Variants in PRDM5 observed in about 807,000 individuals in gnomAD.
The protein encoded by PRDM5 is PR/SET domain 5.
A neutral mutation model predicts 81.2 loss-of-function variants in PRDM5; 56 were observed. That is an observed-to-expected ratio of 0.69 (90% CI 0.56 to 0.86). The LOEUF is 0.86. Among genes scored for constraint, PRDM5 ranks in the 40% least tolerant of loss-of-function variants. PRDM5 has a pLI of 0.00. For missense variants in PRDM5, 697 were observed against 770.1 expected (o/e 0.91, Z 1.12); for synonymous variants, 267 against 256.4 (o/e 1.04, Z -0.39).
At chr4:120,773,902 ACTT>A (rs1298986713) in intron 13 of PRDM5, among the ~76,000 whole-genome samples, 1 of 152,178 alleles carries the variant, frequency 6.6e-6, no homozygotes, top group Non-Finnish European at 1.5e-5. Flanking sequence ...ATGTAAAACA[ACTT>A]CTCTTTTCAC....
intron 13 of PRDM5, among the ~76,000 whole-genome samples, chr4:120,767,592 A>G (rs1310068762): frequency 6.6e-6 from 1 of 152,244 alleles, no homozygotes; most frequent in South Asian, 2.1e-4. Flanking sequence ...TCAAAGGTCC[A>G]ACTGCCAATT....
chr4:120,709,122 A>AT (rs1736597415), intron 15 of PRDM5, among the ~76,000 whole-genome samples: 1 of 152,202 alleles, frequency 6.6e-6, no homozygotes, highest in Non-Finnish European at 1.5e-5. Flanking sequence ...AGCATTCAGC[A>AT]TAGATAAAAG....
intron 13 of PRDM5, among the ~76,000 whole-genome samples, chr4:120,761,073 T>G (rs533510072): frequency 6.6e-6 from 1 of 152,366 alleles, no homozygotes; most frequent in Admixed American, 6.5e-5. Context: ...TTGTAGCTCT[T>G]CATCTCTGAA....
chr4:120,870,465 G>A (rs992002176), intron 2 of PRDM5, among the ~76,000 whole-genome samples: 1 of 152,016 alleles, frequency 6.6e-6, no homozygotes, highest in Non-Finnish European at 1.5e-5. Context: ...GGAGGTGGGG[G>A]AACAGCCACC....
intron 14 of PRDM5, among the ~76,000 whole-genome samples, chr4:120,710,909 T>C (rs967680669): frequency 6.6e-6 from 1 of 152,052 alleles, no homozygotes; most frequent in African/African-American, 2.4e-5. Context: ...CTAATACAGG[T>C]GCTATGAGCA....
At chr4:120,697,340 G>A (rs1044680420) in intron 15 of PRDM5, among the ~76,000 whole-genome samples, 11 of 152,040 alleles carry the variant, frequency 7.2e-5, no homozygotes, top group African/African-American at 2.4e-4. Flanking sequence ...GAAGAACCAG[G>A]AGTATCACTT....
rs1754573173 is a variant in PRDM5, at chr4:120,816,774, G to A, written c.743+58C>T. ...GAATTACTAAGAAGCATGAAAGTAT[G>A]CATGCAAAAAATGACCCACAATTAT... is the stretch of plus-strand genomic sequence containing the variant. On this transcript the variant is annotated intron_variant, in intron 6 of 15. Transcript: ENST00000264808. The A allele has an allele frequency of 2.6e-6, 4 of 1,514,426 alleles. No homozygotes were observed. In the East Asian group the frequency reaches 9.0e-5, roughly 34 times the overall value. The allele number at this position is 1,514,426 out of a possible 1,614,324, so 93.8% of individuals were successfully genotyped here. A position where few individuals can be genotyped will look rare whatever the true frequency, so the allele number is the denominator to read the frequency against.
chr4:120,754,431 T>C, intron 14 of PRDM5, 122 bp downstream of exon 14: 1 of 629,908 alleles, frequency 1.6e-6, no homozygotes. Flanking sequence ...ATATCTGTCA[T>C]AAATATAGAT....
chr4:120,822,527 A>C (rs1332280509), intron 3 of PRDM5, among the ~76,000 whole-genome samples: 5 of 152,188 alleles, frequency 3.3e-5, no homozygotes, highest in African/African-American at 9.6e-5. Context: ...GAGGGGAGGA[A>C]GGAGAGTGTA....
chr4:120,823,810 T>C (rs1374587666), intron 3 of PRDM5, among the ~76,000 whole-genome samples: 1 of 152,212 alleles, frequency 6.6e-6, no homozygotes, highest in Non-Finnish European at 1.5e-5. Context: ...ACAAACCTCA[T>C]GTTGAAATGT....
At chr4:120,831,526 T>C (rs1358504991) in intron 3 of PRDM5, among the ~76,000 whole-genome samples, 6 of 152,118 alleles carry the variant, frequency 3.9e-5, no homozygotes, top group African/African-American at 9.7e-5. Context: ...AAAAATTCAA[T>C]TGTTTCTAAG....
intron 4 of PRDM5, among the ~76,000 whole-genome samples, 157 bp from the exon 5 acceptor site, chr4:120,818,684 C>CA (rs1216636757): frequency 3.3e-5 from 5 of 151,734 alleles, no homozygotes; most frequent in Non-Finnish European, 7.4e-5. Context: ...TATTTGGCCA[C>CA]AAAAAAATAA....
intron 3 of PRDM5, among the ~76,000 whole-genome samples, chr4:120,852,020 G>A (rs1405524766): frequency 6.6e-6 from 1 of 152,026 alleles, no homozygotes; most frequent in Non-Finnish European, 1.5e-5. Flanking sequence ...TCAATTATCT[G>A]CCAGAATTTA....
At chr4:120,857,123 A>T (rs1253587793) in intron 2 of PRDM5, among the ~76,000 whole-genome samples, 1 of 152,216 alleles carries the variant, frequency 6.6e-6, no homozygotes, top group African/African-American at 2.4e-5. Flanking sequence ...CAGGAGGACA[A>T]GGTGGGCAGA....
chr4:120,862,647 T>G (rs1039206063), intron 2 of PRDM5, among the ~76,000 whole-genome samples: 1 of 152,176 alleles, frequency 6.6e-6, no homozygotes, highest in Non-Finnish European at 1.5e-5. Flanking sequence ...CTGTCAATAG[T>G]TAACATATCA....
chr4:120,776,060 T>G (rs1417347284), intron 13 of PRDM5, among the ~76,000 whole-genome samples: 1 of 152,176 alleles, frequency 6.6e-6, no homozygotes, highest in Non-Finnish European at 1.5e-5. Context: ...CTTTTCATTT[T>G]GGGGCTCTCT....
rs568155553 is a variant in PRDM5, at chr4:120,785,032, T to C, written c.1248A>G (p.Pro416=). ...CEECKALFRT[P]FSLQRHLLIH... Reference sequence around the variant, plus strand: ...TTAGCAGGTGTCTCTGTAAAGAAAATGGGGTCCGGAACAAAGCTTTACATT... The same window carrying C: ...TTAGCAGGTGTCTCTGTAAAGAAAACGGGGTCCGGAACAAAGCTTTACATT... Residue 416 remains proline, a synonymous_variant, in exon 11 of 16, where the codon CCA becomes CCG. Coordinates refer to ENST00000264808, the MANE Select transcript of PRDM5 (RefSeq NM_018699.4). 77 of 1,611,190 alleles carry C rather than the reference T, an allele frequency of 4.8e-5. No homozygotes were observed. The South Asian group carries it at 5.9e-4, about 12-fold the overall frequency.
intron 10 of PRDM5, among the ~76,000 whole-genome samples, chr4:120,787,136 G>T (rs1749870470): frequency 6.6e-6 from 1 of 152,124 alleles, no homozygotes; most frequent in Admixed American, 6.6e-5. Context: ...AGAGAATGGG[G>T]TAGCAATTTT....
intron 13 of PRDM5, among the ~76,000 whole-genome samples, chr4:120,766,116 C>A (rs138781863): frequency 6.6e-6 from 1 of 152,038 alleles, no homozygotes; most frequent in Non-Finnish European, 1.5e-5. Flanking sequence ...TGCACCACCA[C>A]GCCCAGCTAA....
Sources: gnomAD v4.1 joint callset for allele counts (sites outside exome capture counted in the v4.1 genomes callset) on GRCh38, gnomAD v4.1.1 for gene constraint, MANE v1.5 for transcripts, NCBI Gene and HGNC (gene_info 2026-07-23, HGNC 2026-07-21) for gene names.